The following FLNB variants were observed in gnomAD, a reference collection of about 807,000 sequenced individuals.
FLNB encodes filamin-B.
FLNB carries 111 observed loss-of-function variants against 250.6 expected under a neutral mutation model. The ratio of observed to expected loss-of-function variants is 0.44; its 90% confidence interval spans 0.38 to 0.52. FLNB has a LOEUF of 0.52. Ranked by LOEUF, FLNB falls within the 20% of genes least tolerant of loss-of-function variation. The pLI is 0.00. For missense variants in FLNB, 2,869 were observed against 3,447.8 expected (o/e 0.83, Z 4.20); for synonymous variants, 1,302 against 1,372.1 (o/e 0.95, Z 1.13).
At chr3:58,059,855 G>A (rs1365515497) in intron 1 of FLNB, among the ~76,000 whole-genome samples, 1 of 152,146 alleles carries the variant, frequency 6.6e-6, no homozygotes, top group Admixed American at 6.5e-5. Flanking sequence ...ACACCATCAT[G>A]TCCTTGTTTG....
Position 58,013,780 on chromosome 3 carries a change from G to GCCCC in FLNB, c.292+4926_292+4927insCCCC, listed in dbSNP as rs1310670915. On this transcript the variant is annotated intron_variant, in intron 1 of 45. Transcript: ENST00000295956. Reference sequence around the variant, plus strand: ...AGAGGCTGTGTTGAGCTGAGATCATGCCATTGCACTCCAGCTTGGGCAACA... The same window carrying GCCCC: ...AGAGGCTGTGTTGAGCTGAGATCATGCCCCCCATTGCACTCCAGCTTGGGCAACA... 5.9e-5 allele frequency among the ~76,000 whole-genome samples: 9 copies of GCCCC among 152,350 alleles called. No homozygotes were observed. The South Asian group carries it at 1.0e-3, about 18-fold the overall frequency.
rs1553696177 is a variant in FLNB at position 58,100,373 on chromosome 3, A to AATATATATAT, written c.1345+1468_1345+1477dup. ...AATGATTTTACATATGTAAAAAAAAAATATATATATATTTGCAGGGGCGCG... is the reference window on the plus strand; with the variant it reads ...AATGATTTTACATATGTAAAAAAAAAATATATATATATATATATATATTTGCAGGGGCGCG... On this transcript the variant is annotated intron_variant, in intron 8 of 45. Coordinates refer to ENST00000295956, the MANE Select transcript of FLNB (RefSeq NM_001457.4). 3.8e-5 allele frequency among the ~76,000 whole-genome samples: 4 copies of AATATATATAT among 104,386 alleles called. 1 individual carries two copies. Among genetic ancestry groups the AATATATATAT allele is most frequent in the African/African-American group, 1.8e-4 (4 of 21,890 alleles). 68.5% of individuals were successfully genotyped at this position (104,386 alleles called of 152,430 possible).
At chr3:58,118,763 A>T in intron 18 of FLNB, 109 bp from the exon 19 acceptor site, 4 of 826,388 alleles carry the variant, frequency 4.8e-6, no homozygotes, top group Non-Finnish European at 8.7e-6. Context: ...ATTGATTGGA[A>T]TCAAGTCTCC....
chr3:58,034,220 A>T (rs1377638356), intron 1 of FLNB, among the ~76,000 whole-genome samples: 3 of 152,100 alleles, frequency 2.0e-5, no homozygotes. Context: ...ATGGATGTAT[A>T]TTTCTATTTT....
chr3:58,101,473 A>G (rs1321953476), intron 8 of FLNB, among the ~76,000 whole-genome samples: 1 of 152,198 alleles, frequency 6.6e-6, no homozygotes, highest in Non-Finnish European at 1.5e-5. Flanking sequence ...TTCTGTGGAC[A>G]TTTCAAGTAA....
intron 1 of FLNB, among the ~76,000 whole-genome samples, chr3:58,023,823 G>A (rs1384586986): frequency 1.3e-5 from 2 of 152,128 alleles, no homozygotes; most frequent in Non-Finnish European, 2.9e-5. Flanking sequence ...AAGTTTTTAG[G>A]ACCTACTTTT....
chr3:58,163,405 C>G (rs999267813), intron 43 of FLNB, 75 bp downstream of exon 43: 4 of 1,506,934 alleles, frequency 2.7e-6, no homozygotes, highest in Admixed American at 3.4e-5. Context: ...AATCCTCAAG[C>G]CCCATGAAAG....
chr3:58,089,919 T>G (rs1003007682), intron 4 of FLNB, among the ~76,000 whole-genome samples: 1 of 152,092 alleles, frequency 6.6e-6, no homozygotes, highest in Non-Finnish European at 1.5e-5. Flanking sequence ...CCCTAGTAGC[T>G]GGGCTTACAG....
chr3:58,064,575 A>C (rs901048593), intron 1 of FLNB, among the ~76,000 whole-genome samples: 1 of 152,108 alleles, frequency 6.6e-6, no homozygotes, highest in African/African-American at 2.4e-5. Context: ...ACAGGCTGAT[A>C]GGTTTGGGTA....
chr3:58,012,343 T>A (rs543541238), intron 1 of FLNB, among the ~76,000 whole-genome samples: 1 of 152,162 alleles, frequency 6.6e-6, no homozygotes, highest in Non-Finnish European at 1.5e-5. Flanking sequence ...AGTATTATTA[T>A]CTTTATTTAA....
intron 4 of FLNB, among the ~76,000 whole-genome samples, chr3:58,086,425 A>G (rs1264717871): frequency 6.6e-6 from 1 of 150,436 alleles, no homozygotes; most frequent in Non-Finnish European, 1.5e-5. Flanking sequence ...TGCCAATCTC[A>G]TTCCTGCCTT....
At chr3:58,112,103 C>G (rs776124699) in intron 17 of FLNB, 46 bp from the exon 18 acceptor site, 1 of 1,589,894 alleles carries the variant, frequency 6.3e-7, no homozygotes, top group East Asian at 2.2e-5. Flanking sequence ...CAAAGTGAAA[C>G]TACTCCAGCT....
At chr3:58,015,423 A>G (rs996058964) in intron 1 of FLNB, among the ~76,000 whole-genome samples, 1 of 152,116 alleles carries the variant, frequency 6.6e-6, no homozygotes, top group African/African-American at 2.4e-5. Context: ...CCTTTCTCCA[A>G]GTTCAGAACG....
chr3:58,017,180 G>A (rs1222815015), intron 1 of FLNB, among the ~76,000 whole-genome samples: 3 of 152,176 alleles, frequency 2.0e-5, no homozygotes, highest in Non-Finnish European at 4.4e-5. Context: ...GGTATAGATG[G>A]TACAGAGGAC....
At chr3:58,096,289 A>C in intron 6 of FLNB, 71 bp downstream of exon 6, 1 of 1,088,018 alleles carries the variant, frequency 9.2e-7, no homozygotes, top group East Asian at 2.4e-5. Context: ...CCCAGGAAGA[A>C]GAGTGTTTTT....
chr3:58,067,497 A>G (rs1370215486), intron 1 of FLNB, among the ~76,000 whole-genome samples: 1 of 151,476 alleles, frequency 6.6e-6, no homozygotes, highest in Non-Finnish European at 1.5e-5. Flanking sequence ...ACCAATTGAG[A>G]TAGGCCCATG....
At chr3:58,157,517 C>T (rs1438944703) in intron 41 of FLNB, among the ~76,000 whole-genome samples, 3 of 152,190 alleles carry the variant, frequency 2.0e-5, no homozygotes, top group African/African-American at 7.2e-5. Context: ...CACATTGAAG[C>T]GGCCTCATCC....
chr3:58,060,518 A>G (rs2097176592), intron 1 of FLNB, among the ~76,000 whole-genome samples: 2 of 151,850 alleles, frequency 1.3e-5, no homozygotes, highest in Admixed American at 1.3e-4. Context: ...GTGCCCAGCT[A>G]ATTTTTGTGC....
intron 1 of FLNB, among the ~76,000 whole-genome samples, chr3:58,070,544 AG>A (rs1490347901): frequency 6.6e-6 from 1 of 151,832 alleles, no homozygotes; most frequent in Non-Finnish European, 1.5e-5. Flanking sequence ...GGTAGAGATG[AG>A]GGGGCAGAGT....
Sources: allele counts gnomAD v4.1 joint callset (sites outside exome capture counted in the v4.1 genomes callset), GRCh38; gene constraint gnomAD v4.1.1; transcripts MANE v1.5; gene names NCBI Gene and HGNC (gene_info 2026-07-23, HGNC 2026-07-21).